The following KIF21A variants were observed in gnomAD, a reference collection of about 807,000 sequenced individuals.
KIF21A encodes kinesin family member 21A.
A neutral mutation model predicts 202.9 loss-of-function variants in KIF21A; 114 were observed. The ratio of observed to expected loss-of-function variants is 0.56; its 90% CI spans 0.48 to 0.66. KIF21A has a LOEUF of 0.66. Among genes scored for constraint, KIF21A ranks in the 30% least tolerant of loss-of-function variants. KIF21A has a pLI of 0.00. For missense variants in KIF21A, 1,677 were observed against 1,994.9 expected (o/e 0.84, Z 3.04); for synonymous variants, 667 against 670.8 (o/e 0.99, Z 0.09).
intron 8 of KIF21A, among the ~76,000 whole-genome samples, chr12:39,357,662 C>G (rs190903089): frequency 6.6e-6 from 1 of 151,778 alleles, no homozygotes; most frequent in African/African-American, 2.4e-5. Flanking sequence ...GTAATCCCAG[C>G]ACTTTGGGAG....
intron 37 of KIF21A, among the ~76,000 whole-genome samples, chr12:39,295,854 A>G (rs751247982): frequency 2.0e-5 from 3 of 151,138 alleles, no homozygotes; most frequent in Non-Finnish European, 4.4e-5. Flanking sequence ...AGCGCATGCC[A>G]CTATGCCTAG....
chr12:39,440,229 G>A (rs1033706244), intron 1 of KIF21A, among the ~76,000 whole-genome samples: 2 of 152,164 alleles, frequency 1.3e-5, no homozygotes, highest in African/African-American at 4.8e-5. Flanking sequence ...ACAAAATCAA[G>A]AACAGGCAAC....
intron 1 of KIF21A, among the ~76,000 whole-genome samples, chr12:39,428,550 G>A (rs1240068586): frequency 2.6e-5 from 4 of 152,092 alleles, no homozygotes; most frequent in African/African-American, 9.7e-5. Flanking sequence ...TTTAACCATG[G>A]TAATTAAAAT....
At chr12:39,339,583 GTTATT>G (rs749298222) in intron 16 of KIF21A, among the ~76,000 whole-genome samples, 79 of 152,096 alleles carry the variant, frequency 5.2e-4, no homozygotes, top group Admixed American at 2.0e-4. Flanking sequence ...CTATTTTATT[GTTATT>G]TTAAGAAAAC....
chr12:39,354,582 G>T (rs1421773866), intron 10 of KIF21A, among the ~76,000 whole-genome samples: 1 of 151,960 alleles, frequency 6.6e-6, no homozygotes, highest in Non-Finnish European at 1.5e-5. Context: ...TTTATTAAAA[G>T]GTAACTACTA....
intron 1 of KIF21A, among the ~76,000 whole-genome samples, chr12:39,378,143 G>A (rs994031825): frequency 2.0e-5 from 3 of 152,124 alleles, no homozygotes; most frequent in African/African-American, 7.2e-5. Context: ...CAGTTCTGTA[G>A]TGGCTAACCA....
chr12:39,419,442 G>C (rs754369054), intron 1 of KIF21A, among the ~76,000 whole-genome samples: 40 of 152,148 alleles, frequency 2.6e-4, no homozygotes, highest in Non-Finnish European at 5.0e-4. Context: ...CTTGAGGGTT[G>C]ATTGAAGCTC....
chr12:39,358,456 G>T, intron 7 of KIF21A, 83 bp from the exon 8 acceptor site: 1 of 1,247,388 alleles, frequency 8.0e-7, no homozygotes, highest in Non-Finnish European at 1.2e-6. Context: ...CCTAACATTT[G>T]AATAGTATCT....
At position 39,322,863 on chromosome 12, in the gene KIF21A, G is replaced by C. The variant is rs763923109; in HGVS notation, c.3476C>G (p.Thr1159Ser). 117 of 1,607,940 alleles carry C rather than the reference G, an allele frequency of 7.3e-5. No individual in the cohort carries two copies. The East Asian group carries it at 2.6e-3, about 36-fold the overall frequency. ...PKNKARRRTTTQMELLYADSS... is the reference protein window; with the variant it reads ...PKNKARRRTTSQMELLYADSS... The stretch of plus-strand genomic sequence containing the variant: ...ATCTGCATACAGCAATTCCATCTGA[G>C]TGGTGGTTCTCCTTCGGGCCTAGTC... Residue 1159 changes from threonine (T) to serine (S), a missense_variant, in exon 27 of 38, where the codon ACT becomes AGT. Transcript: ENST00000361418.
intron 1 of KIF21A, among the ~76,000 whole-genome samples, chr12:39,406,862 T>G (rs1221568408): frequency 6.6e-6 from 1 of 152,190 alleles, no homozygotes; most frequent in Non-Finnish European, 1.5e-5. Flanking sequence ...AAATAACTAA[T>G]TCACTGCTTC....
chr12:39,412,671 T>A (rs188750174), intron 1 of KIF21A, among the ~76,000 whole-genome samples: 58 of 152,180 alleles, frequency 3.8e-4, no homozygotes, highest in Admixed American at 9.2e-4. Flanking sequence ...CGAGCTGAGG[T>A]TGCACCACTG....
chr12:39,338,658 CA>C (rs1369605347), intron 16 of KIF21A, among the ~76,000 whole-genome samples: 1 of 152,036 alleles, frequency 6.6e-6, no homozygotes, highest in Admixed American at 6.6e-5. Flanking sequence ...CAGAGCACCG[CA>C]AAAAGGTGAA....
intron 1 of KIF21A, among the ~76,000 whole-genome samples, chr12:39,436,422 T>TTCTATATATA (rs1424497663): frequency 1.0e-5 from 1 of 99,116 alleles, no homozygotes; most frequent in African/African-American, 4.5e-5. Flanking sequence ...GTTTACTATA[T>TTCTATATATA]TATATATATA....
chr12:39,420,048 A>T (rs1439268517), intron 1 of KIF21A, among the ~76,000 whole-genome samples: 1 of 142,082 alleles, frequency 7.0e-6, no homozygotes, highest in Non-Finnish European at 1.5e-5. Context: ...ACTGCTTCTC[A>T]CCTGGAAAAG....
chr12:39,386,784 T>C (rs11171949), intron 1 of KIF21A, among the ~76,000 whole-genome samples: 12,353 of 152,156 alleles, frequency 0.081, 638 homozygotes, highest in South Asian at 0.28. Flanking sequence ...GAAATCTAAG[T>C]TGACTTTACC....
intron 1 of KIF21A, among the ~76,000 whole-genome samples, chr12:39,441,808 T>C (rs1939681676): frequency 6.6e-6 from 1 of 152,024 alleles, no homozygotes; most frequent in African/African-American, 2.4e-5. Context: ...GGGGAGAATT[T>C]TTAGAATAAT....
At chr12:39,407,986 G>C (rs1030357999) in intron 1 of KIF21A, among the ~76,000 whole-genome samples, 1 of 151,638 alleles carries the variant, frequency 6.6e-6, no homozygotes, top group Non-Finnish European at 1.5e-5. Context: ...GTGACAAATA[G>C]TCAAGAGAAA....
chr12:39,393,191 G>A (rs907059899), intron 1 of KIF21A, among the ~76,000 whole-genome samples: 4 of 151,884 alleles, frequency 2.6e-5, no homozygotes, highest in Admixed American at 6.6e-5. Flanking sequence ...TCCTGGCACT[G>A]TGCAAGACCT....
At chr12:39,367,236 T>TA in intron 4 of KIF21A, 72 bp from the exon 5 acceptor site, 2 of 1,530,698 alleles carry the variant, frequency 1.3e-6, no homozygotes, top group Non-Finnish European at 1.8e-6. Context: ...AAGTCTGAGG[T>TA]AATGGCTAAA....
Sources: allele counts gnomAD v4.1 joint callset (sites outside exome capture counted in the v4.1 genomes callset), GRCh38; gene constraint gnomAD v4.1.1; transcripts MANE v1.5; gene names NCBI Gene and HGNC (gene_info 2026-07-23, HGNC 2026-07-21).